Variants in DPY19L2 observed in about 807,000 individuals in gnomAD.
DPY19L2 encodes the protein probable C-mannosyltransferase DPY19L2.
In DPY19L2, 34 loss-of-function variants were observed where a neutral mutation model predicts 97.9. That is an observed-to-expected ratio of 0.35 (90% CI 0.26 to 0.46). The LOEUF (loss-of-function observed/expected upper bound fraction) is 0.46. DPY19L2 is among the 20% of genes least tolerant of loss of function. DPY19L2 has a pLI of 1.00. For synonymous variants in DPY19L2, 230 were observed against 307.9 expected (o/e 0.75, Z 2.65); for missense variants, 623 against 911.4 (o/e 0.68, Z 4.07).
At chr12:63,577,075 A>G (rs1349746870) in intron 19 of DPY19L2, among the ~76,000 whole-genome samples, 3 of 152,126 alleles carry the variant, frequency 2.0e-5, no homozygotes, top group Non-Finnish European at 4.4e-5. Context: ...TGGTACTGCC[A>G]TAAAAACAGA....
intron 21 of DPY19L2, among the ~76,000 whole-genome samples, chr12:63,568,133 A>T (rs1380267539): frequency 1.3e-5 from 2 of 151,854 alleles, no homozygotes; most frequent in Non-Finnish European, 2.9e-5. Context: ...GAACTACTTA[A>T]TGTTACATAG....
chr12:63,655,002 C>T (rs1025009471), intron 4 of DPY19L2, among the ~76,000 whole-genome samples: 2 of 152,040 alleles, frequency 1.3e-5, no homozygotes, highest in African/African-American at 4.8e-5. Flanking sequence ...AACTCAACAA[C>T]ACTATGCAAA....
Position 63,559,058 on chromosome 12 carries a change from T to C in DPY19L2, c.*1454A>G, listed in dbSNP as rs747265395. On this transcript the variant is annotated 3_prime_UTR_variant, in exon 22 of 22. Coordinates refer to ENST00000324472, the MANE Select transcript of DPY19L2 (RefSeq NM_173812.5). ...TCCTGTAAAAACATCATCCAAAATA[T>C]ACTTTGTTAATTTTTATGAATGTTA... The C allele has an allele frequency of 1.3e-5, 2 of 152,188 alleles. No homozygotes were observed. The highest frequency in any genetic ancestry group is 2.9e-5 in the Non-Finnish European group (2 of 68,022). The allele number at this position is 152,188 out of a possible 1,614,324, so 9.4% of individuals were successfully genotyped here. A position where few individuals can be genotyped will look rare whatever the true frequency, so the allele number is the denominator to read the frequency against.
At chr12:63,592,958 C>A (rs1294789416) in intron 16 of DPY19L2, among the ~76,000 whole-genome samples, 2 of 151,184 alleles carry the variant, frequency 1.3e-5, no homozygotes, top group African/African-American at 2.4e-5. Context: ...AAACAAACAA[C>A]CCCATCAAAA....
chr12:63,646,241 A>T (rs1485609246), intron 5 of DPY19L2, among the ~76,000 whole-genome samples: 2 of 152,132 alleles, frequency 1.3e-5, no homozygotes, highest in African/African-American at 4.8e-5. Flanking sequence ...ACACTAACTT[A>T]TCACTTATTG....
intron 12 of DPY19L2, among the ~76,000 whole-genome samples, chr12:63,603,759 T>A: frequency 6.6e-6 from 1 of 152,174 alleles, no homozygotes; most frequent in South Asian, 2.1e-4. Context: ...ATTTTCTTTA[T>A]CCAGTCTATC....
chr12:63,633,337 A>C (rs1891056077), intron 6 of DPY19L2, among the ~76,000 whole-genome samples: 1 of 152,188 alleles, frequency 6.6e-6, no homozygotes, highest in South Asian at 2.1e-4. Context: ...TAATATCCAG[A>C]ATCTACAATG....
At chr12:63,598,159 GAGA>G (rs1482790978) in intron 13 of DPY19L2, among the ~76,000 whole-genome samples, 3 of 151,832 alleles carry the variant, frequency 2.0e-5, no homozygotes, top group Non-Finnish European at 4.4e-5. Flanking sequence ...AAAAAACAAA[GAGA>G]AGATGATAAA....
At chr12:63,635,554 A>C (rs1477888862) in intron 6 of DPY19L2, among the ~76,000 whole-genome samples, 2 of 152,098 alleles carry the variant, frequency 1.3e-5, no homozygotes, top group Non-Finnish European at 2.9e-5. Flanking sequence ...GATCAGATGA[A>C]TGGCTAAGTA....
intron 6 of DPY19L2, among the ~76,000 whole-genome samples, chr12:63,636,646 T>C (rs1891765037): frequency 6.6e-6 from 1 of 151,984 alleles, no homozygotes; most frequent in Non-Finnish European, 1.5e-5. Context: ...TAGTCTCTGA[T>C]AAAACAGACT....
chr12:63,578,005 C>T (rs1326796691), intron 19 of DPY19L2, among the ~76,000 whole-genome samples: 1 of 152,122 alleles, frequency 6.6e-6, no homozygotes, highest in Non-Finnish European at 1.5e-5. Flanking sequence ...ATGTTTATTG[C>T]AGCACTTCTC....
rs12581329 is a variant in DPY19L2 at position 63,635,695 on chromosome 12, C to T, written c.803+8708G>A. On this transcript the variant is annotated intron_variant, in intron 6 of 21. Coordinates refer to ENST00000324472, the MANE Select transcript of DPY19L2 (RefSeq NM_173812.5). Reference sequence around the variant, plus strand: ...TGGAAGAAAGGGTATCAGTGATGGACGATCAAATGAATGAAATGAAGCGAG... The same window carrying T: ...TGGAAGAAAGGGTATCAGTGATGGATGATCAAATGAATGAAATGAAGCGAG... Among the ~76,000 whole-genome samples, 224 of 151,858 alleles carry T rather than the reference C, an allele frequency of 1.5e-3. 2 individuals are homozygous for T. Among genetic ancestry groups the T allele is most frequent in the South Asian group, 5.4e-3 (26 of 4,806 alleles).
intron 12 of DPY19L2, among the ~76,000 whole-genome samples, chr12:63,608,137 G>T (rs1251248353): frequency 6.6e-6 from 1 of 152,136 alleles, no homozygotes; most frequent in African/African-American, 2.4e-5. Context: ...ATTAGAAGGG[G>T]CTGGGAGACT....
rs368160173 is a variant in DPY19L2 at position 63,564,893 on chromosome 12, T to C, written c.2127-4231A>G. ...GTTCTATCAGTTGTATTTCATATTTTTGAAGCTCTGTTATCTAAGTGCATA... is the reference window on the plus strand; with the variant it reads ...GTTCTATCAGTTGTATTTCATATTTCTGAAGCTCTGTTATCTAAGTGCATA... On this transcript the variant is annotated intron_variant, in intron 21 of 21. Transcript: ENST00000324472. 3.1e-3 allele frequency among the ~76,000 whole-genome samples: 465 copies of C among 152,334 alleles called. 12 individuals are homozygous for C. In the South Asian group the frequency reaches 0.071, roughly 23 times the overall value.
chr12:63,650,511 A>C (rs1029965909), intron 4 of DPY19L2, among the ~76,000 whole-genome samples: 2 of 152,194 alleles, frequency 1.3e-5, no homozygotes, highest in African/African-American at 4.8e-5. Context: ...AGTCAGTAGT[A>C]TGTCTATGCA....
At chr12:63,606,049 T>C (rs1480617599) in intron 12 of DPY19L2, among the ~76,000 whole-genome samples, 1 of 152,142 alleles carries the variant, frequency 6.6e-6, no homozygotes, top group African/African-American at 2.4e-5. Flanking sequence ...TTCTTCCTAA[T>C]ACATAAGGCA....
intron 6 of DPY19L2, among the ~76,000 whole-genome samples, chr12:63,634,586 T>C (rs1592669155): frequency 6.6e-6 from 1 of 152,292 alleles, no homozygotes; most frequent in Middle Eastern, 3.4e-3. Context: ...CCCACCCTAA[T>C]ACGGCACTTT....
intron 15 of DPY19L2, among the ~76,000 whole-genome samples, 162 bp downstream of exon 15, chr12:63,595,804 T>A (rs565441621): frequency 6.6e-6 from 1 of 152,276 alleles, no homozygotes; most frequent in South Asian, 2.1e-4. Flanking sequence ...CCTTTTATCA[T>A]GGCTTTTTAT....
chr12:63,662,670 A>T (rs1195784863), intron 3 of DPY19L2, among the ~76,000 whole-genome samples: 2 of 152,212 alleles, frequency 1.3e-5, no homozygotes, highest in Non-Finnish European at 2.9e-5. Context: ...CATTCAATAA[A>T]GCGCAGAACT....
Sources: gnomAD v4.1 joint callset for allele counts (sites outside exome capture counted in the v4.1 genomes callset) on GRCh38, gnomAD v4.1.1 for gene constraint, MANE v1.5 for transcripts, NCBI Gene and HGNC (gene_info 2026-07-23, HGNC 2026-07-21) for gene names.